AMN1: variants seen among roughly 807,000 people sequenced by gnomAD.
AMN1 encodes the protein antagonist of mitotic exit network 1 homolog, also known as protein AMN1 homolog.
AMN1 carries 20 observed loss-of-function variants against 33.0 expected under a neutral mutation model. The ratio of observed to expected loss-of-function variants is 0.61; its 90% CI spans 0.43 to 0.88. The LOEUF (loss-of-function observed/expected upper bound fraction) is 0.88, where lower values mean the gene tolerates loss of function less well. Among genes scored for constraint, AMN1 ranks in the 40% least tolerant of loss-of-function variants. The probability of loss-of-function intolerance (pLI) is 0.00; values close to 1 mark genes in which losing one functional copy is unlikely to be tolerated. For synonymous variants in AMN1, 114 were observed against 111.9 expected (o/e 1.02, Z -0.12); for missense variants, 246 against 307.4 (o/e 0.80, Z 1.49).
chr12:31,676,558 G>A (rs1427258364), intron 6 of AMN1, among the ~76,000 whole-genome samples: 3 of 150,750 alleles, frequency 2.0e-5, no homozygotes, highest in Non-Finnish European at 4.4e-5. Context: ...TCCTGACCTC[G>A]TGATCTGCCC....
At position 31,689,084 on chromosome 12, in the gene AMN1, T is replaced by C. The variant is rs1938392930; in HGVS notation, c.626A>G (p.Asp209Gly). ...IHMGHCVNLT[D>G]GAVEAVLTYC... ...AGTAAGGACAGCTTCGACAGCCCCATCAGTCAGATTTACACAATGTCCCAT... is the reference window on the plus strand; with the variant it reads ...AGTAAGGACAGCTTCGACAGCCCCACCAGTCAGATTTACACAATGTCCCAT... Residue 209 changes from aspartate to glycine, a missense_variant, in exon 6 of 7, where the codon GAT becomes GGT. Physicochemically the swap from Asp to Gly is moderately conservative, Grantham distance 94 (BLOSUM62 -1). Transcript: ENST00000281471. 2.5e-6 allele frequency: 4 copies of C among 1,613,278 alleles called. No individual in the cohort carries two copies. Among genetic ancestry groups the C allele is most frequent in the Non-Finnish European group, 3.4e-6 (4 of 1,179,608 alleles).
At chr12:31,690,709 T>C (rs1938464480) in intron 5 of AMN1, among the ~76,000 whole-genome samples, 1 of 152,232 alleles carries the variant, frequency 6.6e-6, no homozygotes, top group Admixed American at 6.5e-5. Context: ...CTGTGGGTTA[T>C]CTGTTTACTC....
At chr12:31,698,635 A>T (rs1027086948) in intron 3 of AMN1, among the ~76,000 whole-genome samples, 1 of 152,198 alleles carries the variant, frequency 6.6e-6, no homozygotes, top group African/African-American at 2.4e-5. Flanking sequence ...ATAAACAAAC[A>T]TGGTAGCACT....
At chr12:31,697,511 G>T in intron 4 of AMN1, 94 bp from the exon 5 acceptor site, 2 of 1,244,706 alleles carry the variant, frequency 1.6e-6, no homozygotes, top group South Asian at 1.3e-5. Context: ...TAGTCTTAAT[G>T]CCTCCCATTC....
intron 6 of AMN1, among the ~76,000 whole-genome samples, chr12:31,682,404 G>C (rs934702232): frequency 1.3e-5 from 2 of 151,614 alleles, no homozygotes; most frequent in Non-Finnish European, 2.9e-5. Flanking sequence ...CAAAGGCAGC[G>C]ACAGTGTAGG....
At chr12:31,698,427 C>G (rs149412976) in intron 3 of AMN1, among the ~76,000 whole-genome samples, 2 of 152,182 alleles carry the variant, frequency 1.3e-5, no homozygotes, top group Non-Finnish European at 2.9e-5. Context: ...TGTTCTCTCT[C>G]GCTCCACTTT....
chr12:31,672,402 TATTA>T, intron 6 of AMN1, 25 bp from the exon 7 acceptor site: 1 of 1,483,950 alleles, frequency 6.7e-7, no homozygotes, highest in East Asian at 2.4e-5. Context: ...AATGACAATA[TATTA>T]ATTGACAATA....
chr12:31,709,557 G>A (rs560967552), intron 1 of AMN1, 132 bp from the exon 2 acceptor site: 15 of 1,117,972 alleles, frequency 1.3e-5, no homozygotes, highest in Middle Eastern at 3.0e-4. Flanking sequence ...GGTGGCTCAC[G>A]CCTGTAATCC....
chr12:31,726,010 C>T (rs1940049588), intron 1 of AMN1, among the ~76,000 whole-genome samples: 1 of 151,980 alleles, frequency 6.6e-6, no homozygotes, highest in South Asian at 2.1e-4. Context: ...AATCCTTGAT[C>T]TTTCTTTCAG....
chr12:31,707,565 C>T (rs1939293391), intron 2 of AMN1, among the ~76,000 whole-genome samples: 2 of 152,198 alleles, frequency 1.3e-5, no homozygotes, highest in African/African-American at 2.4e-5. Flanking sequence ...AACCCTTATT[C>T]TAACTAATGA....
At chr12:31,716,879 A>AT in intron 1 of AMN1, among the ~76,000 whole-genome samples, 1 of 152,200 alleles carries the variant, frequency 6.6e-6, no homozygotes, top group Non-Finnish European at 1.5e-5. Flanking sequence ...ACAGCAGGTG[A>AT]TTTTTTGTCC....
At chr12:31,728,021 C>T (rs542747260) in intron 1 of AMN1, among the ~76,000 whole-genome samples, 1 of 152,222 alleles carries the variant, frequency 6.6e-6, no homozygotes, top group South Asian at 2.1e-4. Flanking sequence ...CCACCGTGCC[C>T]AGATAATTTT....
chr12:31,690,576 T>G (rs1196779299), intron 5 of AMN1, among the ~76,000 whole-genome samples: 1 of 152,208 alleles, frequency 6.6e-6, no homozygotes, highest in Non-Finnish European at 1.5e-5. Context: ...TGTCTATTCA[T>G]GTCCTTAGCC....
chr12:31,725,235 T>C (rs1443157589), intron 1 of AMN1, among the ~76,000 whole-genome samples: 1 of 152,224 alleles, frequency 6.6e-6, no homozygotes, highest in African/African-American at 2.4e-5. Context: ...GATAGCTGTT[T>C]ATTTAGATAA....
Position 31,694,082 on chromosome 12 carries a change from G to A in AMN1, c.591+3279C>T, listed in dbSNP as rs1938614956. 2.6e-5 allele frequency among the ~76,000 whole-genome samples: 4 copies of A among 151,602 alleles called. No individual in the cohort carries two copies. The South Asian group carries it at 8.3e-4, about 32-fold the overall frequency. On this transcript the variant is annotated intron_variant, in intron 5 of 6. Transcript: ENST00000281471. ...TTTCCCAGAATGGAACAAATTAAAA[G>A]CAACAGATTAAAATGTGATGAAAGG...
intron 3 of AMN1, among the ~76,000 whole-genome samples, chr12:31,699,422 GAAAGA>G (rs1172376441): frequency 1.5e-5 from 1 of 67,288 alleles, no homozygotes; most frequent in African/African-American, 5.0e-5. Flanking sequence ...AAAAAAAAAA[GAAAGA>G]AAAGAAAAGA....
chr12:31,679,949 A>G (rs1453951649), intron 6 of AMN1, among the ~76,000 whole-genome samples: 3 of 151,606 alleles, frequency 2.0e-5, no homozygotes, highest in African/African-American at 7.3e-5. Context: ...AAATGGTGAA[A>G]CCCTGTCTCT....
chr12:31,711,332 T>C (rs1294905707), intron 1 of AMN1, among the ~76,000 whole-genome samples: 1 of 152,214 alleles, frequency 6.6e-6, no homozygotes, highest in Non-Finnish European at 1.5e-5. Context: ...GTTTATTGTA[T>C]GCATGCATTT....
At chr12:31,689,844 T>C (rs1938426864) in intron 5 of AMN1, among the ~76,000 whole-genome samples, 1 of 152,206 alleles carries the variant, frequency 6.6e-6, no homozygotes, top group Non-Finnish European at 1.5e-5. Context: ...TGTGAGATTT[T>C]GGTGCAACCA....
Sources: allele counts gnomAD v4.1 joint callset (sites outside exome capture counted in the v4.1 genomes callset), GRCh38; gene constraint gnomAD v4.1.1; transcripts MANE v1.5; gene names NCBI Gene and HGNC (gene_info 2026-07-23, HGNC 2026-07-21).